LRP5: variants seen among roughly 807,000 people sequenced by gnomAD.
LRP5 encodes the protein LDL receptor related protein 5.
A neutral mutation model predicts 154.1 loss-of-function variants in LRP5; 62 were observed. The observed-to-expected ratio is 0.40, with a 90% confidence interval of 0.33 to 0.50. LRP5 has a LOEUF of 0.50. Ranked by LOEUF, LRP5 falls within the 20% of genes least tolerant of loss-of-function variation. The pLI is 0.55. For missense variants in LRP5, 1,915 were observed against 2,336.7 expected, an observed-to-expected ratio of 0.82 and a Z score of 3.72; for synonymous variants, 966 against 1,011.5, an observed-to-expected ratio of 0.96 and a Z score of 0.85.
At chr11:68,424,455 G>C (rs781503404) in intron 14 of LRP5, among the ~76,000 whole-genome samples, 1 of 152,202 alleles carries the variant, frequency 6.6e-6, no homozygotes, top group Non-Finnish European at 1.5e-5. Context: ...GCAGCACACG[G>C]GGGGCTCGGT....
chr11:68,308,445 A>C (rs1227624113), upstream of LRP5, among the ~76,000 whole-genome samples: 1 of 152,228 alleles, frequency 6.6e-6, no homozygotes, highest in African/African-American at 2.4e-5. Flanking sequence ...CTTGCATCTA[A>C]GGAACGAACT....
chr11:68,390,058 G>C lies in LRP5; in HGVS notation c.1584+6G>C, dbSNP rs534512623. On this transcript the variant is annotated splice_donor_region_variant and intron_variant, in intron 7 of 22. Coordinates refer to ENST00000294304, the MANE Select transcript of LRP5 (RefSeq NM_002335.4). ...CCAAGACAGACAAGATCGAGGTGAG[G>C]CTCCTGTGGACATGTTTGATCCAGG... is the stretch of plus-strand genomic sequence containing the variant. 502 of 1,614,214 alleles carry C rather than the reference G, an allele frequency of 3.1e-4. 9 individuals are homozygous for C. In the South Asian group the frequency reaches 5.0e-3, roughly 16 times the overall value.
intron 6 of LRP5, among the ~76,000 whole-genome samples, chr11:68,388,325 C>T (rs1202332628): frequency 1.3e-5 from 2 of 152,080 alleles, no homozygotes; most frequent in Admixed American, 6.5e-5. Context: ...TCGGTGTCCT[C>T]ATCTGTGAAA....
intron 1 of LRP5, 51 bp from the exon 2 acceptor site, chr11:68,347,796 G>A (rs759408120): frequency 9.3e-6 from 15 of 1,605,578 alleles, no homozygotes; most frequent in African/African-American, 1.3e-5. Flanking sequence ...CCAGGGCTGT[G>A]TATCTTGCTG....
In LRP5 at chr11:68,406,722, T is replaced by G. The variant is rs1227841036; in HGVS notation, c.2000T>G (p.Val667Gly). Reference sequence around the variant, plus strand: ...TCCCTCGAGACCAATAACAACGACGTGGCCATCCCGCTCACGGGCGTCAAG... The same window carrying G: ...TCCCTCGAGACCAATAACAACGACGGGGCCATCCCGCTCACGGGCGTCAAG... The part of the protein sequence containing the change: ...RISLETNNND[V>G]AIPLTGVKEA... The change falls in exon 9 of 23, where the codon GTG becomes GGG. Residue 667 changes from valine (V) to glycine (G), a missense_variant. Val to Gly is a moderately radical substitution (Grantham distance 109). This residue lies in a region of LRP5 where 773 missense variants were observed against 1,100.9 expected (regional missense o/e 0.70). Coordinates refer to ENST00000294304, the MANE Select transcript of LRP5 (RefSeq NM_002335.4). 1.9e-6 allele frequency: 3 copies of G among 1,614,004 alleles called. No individual in the cohort carries two copies. The South Asian group carries it at 3.3e-5, about 18-fold the overall frequency.
chr11:68,412,601 T>C (rs1478419331), intron 11 of LRP5, among the ~76,000 whole-genome samples: 6 of 150,650 alleles, frequency 4.0e-5, no homozygotes, highest in Non-Finnish European at 3.0e-5. Context: ...GCTGTGATCA[T>C]GCCACTGCAC....
chr11:68,424,595 A>G (rs1040939165), intron 14 of LRP5, among the ~76,000 whole-genome samples: 1 of 152,196 alleles, frequency 6.6e-6, no homozygotes, highest in Non-Finnish European at 1.5e-5. Context: ...GCTGTCAGAA[A>G]TTACCAGAAG....
At chr11:68,385,790 G>A (rs1299505886) in intron 5 of LRP5, among the ~76,000 whole-genome samples, 5 of 152,244 alleles carry the variant, frequency 3.3e-5, no homozygotes, top group African/African-American at 1.2e-4. Flanking sequence ...CGGTGCTGGG[G>A]CCTGAAGCCG....
intron 1 of LRP5, among the ~76,000 whole-genome samples, chr11:68,319,944 G>A (rs1415789321): frequency 6.6e-6 from 1 of 152,120 alleles, no homozygotes; most frequent in Non-Finnish European, 1.5e-5. Flanking sequence ...GATCACTTGA[G>A]TCCAGGAGTT....
intron 1 of LRP5, among the ~76,000 whole-genome samples, chr11:68,333,887 G>A (rs537459194): frequency 9.2e-5 from 14 of 152,280 alleles, no homozygotes; most frequent in African/African-American, 3.4e-4. Context: ...GGCCGGCAGT[G>A]CGCTCTCCTC....
intron 7 of LRP5, among the ~76,000 whole-genome samples, chr11:68,391,526 G>A (rs1268178137): frequency 6.6e-6 from 1 of 152,208 alleles, no homozygotes; most frequent in Non-Finnish European, 1.5e-5. Flanking sequence ...GCAGGATGGA[G>A]AACACGAGTG....
intron 7 of LRP5, among the ~76,000 whole-genome samples, chr11:68,393,408 G>C (rs1591270778): frequency 2.6e-5 from 4 of 152,322 alleles, no homozygotes; most frequent in African/African-American, 9.6e-5. Flanking sequence ...TTTCAACAGT[G>C]GCTGCGCCGT....
chr11:68,446,644 C>T, intron 22 of LRP5, 111 bp downstream of exon 22: 1 of 991,844 alleles, frequency 1.0e-6, no homozygotes, highest in Non-Finnish European at 1.6e-6. Flanking sequence ...TGCTAGTGGG[C>T]AGGTGCCGGG....
chr11:68,443,575 ATATATATATAT>A (rs1417861301), intron 21 of LRP5, among the ~76,000 whole-genome samples: 99 of 41,362 alleles, frequency 2.4e-3, no homozygotes, highest in South Asian at 0.012. Flanking sequence ...ATATATATAT[ATATATATATAT>A]TTTTTTTTTT....
chr11:68,410,505 C>T (rs1381894026), intron 10 of LRP5, among the ~76,000 whole-genome samples: 1 of 152,198 alleles, frequency 6.6e-6, no homozygotes. Flanking sequence ...CAGAGCTGGG[C>T]CAGGAAGTGC....
chr11:68,425,095 C>T lies in LRP5; in HGVS notation c.3237-7C>T, dbSNP rs1177821788. ...ACACCCGTCCTTCACCCGCCACCCT[C>T]CCGCAGGTACCTGTACTTCACCAAC... On this transcript the variant is annotated splice_polypyrimidine_tract_variant and splice_region_variant and intron_variant, in intron 14 of 22. Transcript: ENST00000294304. 1 of 1,613,240 alleles carries T rather than the reference C, an allele frequency of 6.2e-7. No homozygotes were observed. The highest frequency in any genetic ancestry group is 1.3e-5 in the African/African-American group (1 of 74,920).
rs545255447 is a variant in LRP5, at chr11:68,385,371, G to A, written c.1016-945G>A. On this transcript the variant is annotated intron_variant, in intron 5 of 22. Coordinates refer to ENST00000294304, the MANE Select transcript of LRP5 (RefSeq NM_002335.4). ...GGCTGTGGGGTGGGTGCTTCGTGGCGTGGTTCTGAAACTTCGTTGGAAGTG... is the reference window on the plus strand; with the variant it reads ...GGCTGTGGGGTGGGTGCTTCGTGGCATGGTTCTGAAACTTCGTTGGAAGTG... 1.4e-4 allele frequency among the ~76,000 whole-genome samples: 21 copies of A among 152,284 alleles called. No homozygotes were observed. The East Asian group carries it at 3.7e-3, about 27-fold the overall frequency.
At chr11:68,346,973 G>T (rs1469590790) in intron 1 of LRP5, among the ~76,000 whole-genome samples, 2 of 152,366 alleles carry the variant, frequency 1.3e-5, no homozygotes, top group East Asian at 3.9e-4. Flanking sequence ...TGAGACCGTT[G>T]TCTGTGAGAT....
In LRP5 at chr11:68,418,401, CA is replaced by C. The variant is rs981576254; in HGVS notation, c.3027+1886del. 6.3e-4 allele frequency among the ~76,000 whole-genome samples: 88 copies of C among 140,386 alleles called. No individual in the cohort carries two copies. In the Middle Eastern group the frequency reaches 0.018, roughly 28 times the overall value. The allele number at this position is 140,386 out of a possible 152,430, so 92.1% of individuals were successfully genotyped here. A position where few individuals can be genotyped will look rare whatever the true frequency, so the allele number is the denominator to read the frequency against. On this transcript the variant is annotated intron_variant, in intron 13 of 22. Transcript: ENST00000294304. Reference sequence around the variant, plus strand: ...TGGGCAACAGAGCGAGACGCCATCTCAAAAAAAAAAAACCTACAGAGCCACA... The same window carrying C: ...TGGGCAACAGAGCGAGACGCCATCTCAAAAAAAAAAACCTACAGAGCCACA...
Sources: allele counts gnomAD v4.1 joint callset (sites outside exome capture counted in the v4.1 genomes callset), GRCh38; gene constraint gnomAD v4.1.1; regional missense constraint gnomAD v4.1.1; transcripts MANE v1.5; gene names NCBI Gene and HGNC (gene_info 2026-07-23, HGNC 2026-07-21).